STK3: variants seen among roughly 807,000 people sequenced by gnomAD.
The protein encoded by STK3 is serine/threonine kinase 3, also known as serine/threonine-protein kinase 3.
Under a neutral mutation model 58.0 loss-of-function variants are expected in STK3, and 41 were observed. The ratio of observed to expected loss-of-function variants is 0.71; its 90% CI spans 0.55 to 0.92. The LOEUF (loss-of-function observed/expected upper bound fraction) is 0.92, where lower values mean the gene tolerates loss of function less well. Among genes scored for constraint, STK3 ranks in the 40% least tolerant of loss-of-function variants. The pLI, the probability that STK3 is intolerant of heterozygous loss-of-function variation, is 0.00. For missense variants in STK3, 479 were observed against 602.7 expected, an observed-to-expected ratio of 0.79 and a Z score of 2.15; for synonymous variants, 170 against 191.0, an observed-to-expected ratio of 0.89 and a Z score of 0.91.
chr8:98,617,636 C>T (rs1414030762), intron 6 of STK3, among the ~76,000 whole-genome samples: 1 of 151,806 alleles, frequency 6.6e-6, no homozygotes, highest in Non-Finnish European at 1.5e-5. Flanking sequence ...GGGATATCAC[C>T]ACCGATCCCA....
intron 4 of STK3, among the ~76,000 whole-genome samples, chr8:98,732,445 G>A (rs1407154454): frequency 1.3e-5 from 2 of 152,102 alleles, no homozygotes; most frequent in East Asian, 3.9e-4. Flanking sequence ...GAAGATAAAT[G>A]GAGGAAAGTC....
At chr8:98,804,712 T>C (rs917429279) in intron 1 of STK3, among the ~76,000 whole-genome samples, 1 of 152,228 alleles carries the variant, frequency 6.6e-6, no homozygotes, top group Non-Finnish European at 1.5e-5. Flanking sequence ...CCCAGTGCTA[T>C]ACAATGTATG....
Position 98,774,759 on chromosome 8 carries a change from T to C in STK3, c.87A>G (p.Val29=), listed in dbSNP as rs755279500. The change falls in exon 2 of 11, where the codon GTA becomes GTG. Residue 29 remains valine (V), a synonymous_variant. Transcript: ENST00000419617. ...CTTACCCTTCTCCAAGCTTCTCTAA[T>C]ACATCAAAAACTTCTTCAGGCTGCT... ...LTKQPEEVFD[V]LEKLGEGSYG... The C allele has an allele frequency of 5.0e-6, 8 of 1,588,922 alleles. No homozygotes were observed. Among genetic ancestry groups the C allele is most frequent in the Non-Finnish European group, 6.8e-6 (8 of 1,169,718 alleles).
At chr8:98,738,842 G>A (rs1322391525) in intron 4 of STK3, among the ~76,000 whole-genome samples, 2 of 152,238 alleles carry the variant, frequency 1.3e-5, no homozygotes, top group African/African-American at 4.8e-5. Flanking sequence ...CCTAGTCAAA[G>A]AAAGGGGTGA....
chr8:98,902,445 C>T (rs997708297), intron 1 of STK3, among the ~76,000 whole-genome samples: 2 of 152,174 alleles, frequency 1.3e-5, no homozygotes, highest in Non-Finnish European at 2.9e-5. Context: ...CAGTGCTACT[C>T]TCCTAGTAAA....
intron 6 of STK3, among the ~76,000 whole-genome samples, chr8:98,696,801 T>G (rs954785208): frequency 2.6e-5 from 4 of 151,678 alleles, no homozygotes; most frequent in Non-Finnish European, 4.4e-5. Context: ...TCATCAAGGA[T>G]ATTGGTCTAA....
At chr8:98,479,409 T>C (rs1200358036) in intron 10 of STK3, among the ~76,000 whole-genome samples, 1 of 139,802 alleles carries the variant, frequency 7.2e-6, no homozygotes, top group Non-Finnish European at 1.5e-5. Flanking sequence ...ATTGCTTGAG[T>C]CCGGGAGGTG....
intron 3 of STK3, among the ~76,000 whole-genome samples, chr8:98,863,314 C>T (rs1420044123): frequency 6.6e-6 from 1 of 152,194 alleles, no homozygotes; most frequent in Non-Finnish European, 1.5e-5. Flanking sequence ...GGCAGTACAA[C>T]ATTGAGCTGA....
chr8:98,522,037 T>G (rs1022848571), intron 10 of STK3, among the ~76,000 whole-genome samples: 3 of 152,204 alleles, frequency 2.0e-5, no homozygotes, highest in Admixed American at 6.5e-5. Context: ...AAGTAAAATA[T>G]TTGTTAAATT....
intron 7 of STK3, among the ~76,000 whole-genome samples, chr8:98,591,815 G>T (rs1815340521): frequency 6.6e-6 from 1 of 152,174 alleles, no homozygotes; most frequent in African/African-American, 2.4e-5. Context: ...AATAACTGCA[G>T]CTTAGAAGGG....
At chr8:98,411,783 G>A (rs974085920) in intron 3 of STK3, among the ~76,000 whole-genome samples, 4 of 152,206 alleles carry the variant, frequency 2.6e-5, no homozygotes, top group African/African-American at 7.2e-5. Flanking sequence ...GGACAAATCA[G>A]GGTGTACTAA....
chr8:98,526,981 A>C, intron 9 of STK3, 64 bp from the exon 10 acceptor site: 1 of 1,314,668 alleles, frequency 7.6e-7, no homozygotes, highest in Non-Finnish European at 9.9e-7. Context: ...ATTTTCTTTG[A>C]AGTATGATTT....
intron 6 of STK3, among the ~76,000 whole-genome samples, chr8:98,698,187 C>T (rs1437278191): frequency 6.6e-6 from 1 of 151,248 alleles, no homozygotes; most frequent in African/African-American, 2.4e-5. Context: ...GATTGCAACC[C>T]CTGCCTTTTT....
chr8:98,369,372 T>C (rs1817590731), downstream of STK3, among the ~76,000 whole-genome samples: 1 of 152,208 alleles, frequency 6.6e-6, no homozygotes, highest in Non-Finnish European at 1.5e-5. Flanking sequence ...AAGCAATGTA[T>C]TAAGATTCAG....
chr8:98,443,199 C>A (rs1257755126), intron 1 of STK3, among the ~76,000 whole-genome samples: 3 of 152,130 alleles, frequency 2.0e-5, no homozygotes, highest in Non-Finnish European at 4.4e-5. Context: ...TCAGGCCTGA[C>A]AATGTAGTTG....
chr8:98,435,030 G>C (rs1227354065), intron 2 of STK3, among the ~76,000 whole-genome samples: 1 of 152,224 alleles, frequency 6.6e-6, no homozygotes, highest in African/African-American at 2.4e-5. Flanking sequence ...TCTCCACCTG[G>C]ACTGGCCCCC....
In STK3 at chr8:98,825,551, G is replaced by T; in HGVS notation, c.-11C>A. 1 of 1,456,842 alleles carries T rather than the reference G, an allele frequency of 6.9e-7. No homozygotes were observed. The highest frequency in any genetic ancestry group is 1.3e-5 in the South Asian group (1 of 76,866). 90.2% of individuals were successfully genotyped at this position (1,456,842 alleles called of 1,614,324 possible). A position where few individuals can be genotyped will look rare whatever the true frequency, so the allele number is the denominator to read the frequency against. On this transcript the variant is annotated 5_prime_UTR_variant, in exon 1 of 11. Transcript: ENST00000419617. ...CGGCGGCTGCTCCATGGCGGCCGGGGACAGAGAGAGGGACCTGGTGGACGG... is the reference window on the plus strand; with the variant it reads ...CGGCGGCTGCTCCATGGCGGCCGGGTACAGAGAGAGGGACCTGGTGGACGG...
downstream of STK3, among the ~76,000 whole-genome samples, chr8:98,367,258 T>C (rs1013634085): frequency 6.6e-6 from 1 of 152,256 alleles, no homozygotes; most frequent in Non-Finnish European, 1.5e-5. Context: ...CAGGCAGCAG[T>C]TGCTAAAAGT....
intron 3 of STK3, among the ~76,000 whole-genome samples, chr8:98,765,173 T>C (rs1830864464): frequency 6.6e-6 from 1 of 152,216 alleles, no homozygotes; most frequent in Non-Finnish European, 1.5e-5. Flanking sequence ...AATACTCGCA[T>C]CAGGCAAGTA....
Sources: gnomAD v4.1 joint callset for allele counts (sites outside exome capture counted in the v4.1 genomes callset) on GRCh38, gnomAD v4.1.1 for gene constraint, MANE v1.5 for transcripts, NCBI Gene and HGNC (gene_info 2026-07-23, HGNC 2026-07-21) for gene names.